Variants in TENT2 observed in about 807,000 individuals in gnomAD.
TENT2 encodes terminal nucleotidyltransferase 2.
TENT2 carries 44 observed loss-of-function variants against 72.2 expected under a neutral mutation model. That is an observed-to-expected ratio of 0.61 (90% CI 0.48 to 0.78). The LOEUF (loss-of-function observed/expected upper bound fraction) is 0.78. TENT2 is among the 30% of genes least tolerant of loss of function. The probability of loss-of-function intolerance (pLI) is 0.00; values close to 1 mark genes in which losing one functional copy is unlikely to be tolerated. For missense variants in TENT2, 541 were observed against 569.6 expected, an observed-to-expected ratio of 0.95 and a Z score of 0.51; for synonymous variants, 212 against 192.5, an observed-to-expected ratio of 1.10 and a Z score of -0.84.
At chr5:79,615,691 C>G (rs901397054) in intron 1 of TENT2, among the ~76,000 whole-genome samples, 1 of 150,730 alleles carries the variant, frequency 6.6e-6, no homozygotes, top group Non-Finnish European at 1.5e-5. Flanking sequence ...ATCTGGCAAT[C>G]CAAGATTTTT....
chr5:79,628,181 A>G (rs1276568159), intron 4 of TENT2, among the ~76,000 whole-genome samples: 3 of 152,236 alleles, frequency 2.0e-5, no homozygotes, highest in Non-Finnish European at 4.4e-5. Flanking sequence ...AGTATCTGTC[A>G]TTACTGGCAT....
At chr5:79,656,705 A>G (rs1798215394) in intron 10 of TENT2, among the ~76,000 whole-genome samples, 1 of 151,994 alleles carries the variant, frequency 6.6e-6, no homozygotes, top group Non-Finnish European at 1.5e-5. Flanking sequence ...ATAGCCTATT[A>G]TTCTAAAACC....
intron 12 of TENT2, among the ~76,000 whole-genome samples, chr5:79,670,577 C>A (rs1812256427): frequency 6.6e-6 from 1 of 151,892 alleles, no homozygotes; most frequent in Admixed American, 6.6e-5. Flanking sequence ...CCCGCCTCAG[C>A]CTCCCAAAGT....
chr5:79,677,358 C>T (rs1055232568), intron 12 of TENT2, among the ~76,000 whole-genome samples: 2 of 152,066 alleles, frequency 1.3e-5, no homozygotes, highest in African/African-American at 4.8e-5. Context: ...ACATATATCT[C>T]ATACTGTTTC....
chr5:79,616,597 C>CA (rs1760290528), intron 1 of TENT2, among the ~76,000 whole-genome samples: 1 of 152,200 alleles, frequency 6.6e-6, no homozygotes. Context: ...CAGGCATGAG[C>CA]AACTGCCCAG....
Position 79,685,463 on chromosome 5 carries a change from TG to T in TENT2, c.*191del. On this transcript the variant is annotated 3_prime_UTR_variant, in exon 15 of 15. Transcript: ENST00000453514. The stretch of plus-strand genomic sequence containing the variant: ...CTAATAAACCCCTTTGATTTAAAAA[TG>T]TATTTTTAAAAATGTTTACATTGAT... 1 of 424,988 alleles carries T rather than the reference TG, an allele frequency of 2.4e-6. No homozygotes were observed. Among genetic ancestry groups the T allele is most frequent in the African/African-American group, 2.1e-5 (1 of 48,088 alleles). The allele number at this position is 424,988 out of a possible 1,614,324, so 26.3% of individuals were successfully genotyped here. A position where few individuals can be genotyped will look rare whatever the true frequency, so the allele number is the denominator to read the frequency against.
In TENT2 at chr5:79,686,933, A is replaced by G. The variant is rs1270181030; in HGVS notation, c.*1660A>G. The stretch of plus-strand genomic sequence containing the variant: ...ATGTACTGAGTAGAGTTAATATTCT[A>G]GTGATGACTGGGTAATCATTATAAG... On this transcript the variant is annotated 3_prime_UTR_variant, in exon 15 of 15. Transcript: ENST00000453514. Among the ~76,000 whole-genome samples the G allele has an allele frequency of 1.3e-5, 2 of 152,184 alleles. No homozygotes were observed. Among genetic ancestry groups the G allele is most frequent in the Non-Finnish European group, 2.9e-5 (2 of 68,014 alleles).
intron 4 of TENT2, among the ~76,000 whole-genome samples, chr5:79,632,104 C>T (rs1227732729): frequency 6.6e-6 from 1 of 152,016 alleles, no homozygotes; most frequent in African/African-American, 2.4e-5. Flanking sequence ...TCAAACTGAC[C>T]AGAGAAACAG....
At chr5:79,629,781 C>T (rs912691650) in intron 4 of TENT2, among the ~76,000 whole-genome samples, 36 of 148,356 alleles carry the variant, frequency 2.4e-4, no homozygotes, top group Non-Finnish European at 4.0e-4. Flanking sequence ...GAGCCGAGAT[C>T]GTGCCACTGC....
chr5:79,630,950 A>G (rs1022303226), intron 4 of TENT2, among the ~76,000 whole-genome samples: 1 of 152,016 alleles, frequency 6.6e-6, no homozygotes, highest in African/African-American at 2.4e-5. Flanking sequence ...GTGAGAGGCA[A>G]TGGTACTTGA....
chr5:79,671,404 T>C (rs539872563), intron 12 of TENT2, among the ~76,000 whole-genome samples: 2 of 151,596 alleles, frequency 1.3e-5, no homozygotes, highest in African/African-American at 4.9e-5. Context: ...TTCTTTTTTC[T>C]TTTTCTTTTT....
intron 1 of TENT2, among the ~76,000 whole-genome samples, chr5:79,617,906 A>G (rs1242740472): frequency 6.6e-6 from 1 of 152,274 alleles, no homozygotes. Context: ...CTTCAATATA[A>G]TATACCTTGA....
intron 4 of TENT2, among the ~76,000 whole-genome samples, chr5:79,639,709 G>C (rs1206721575): frequency 2.0e-5 from 3 of 152,114 alleles, no homozygotes; most frequent in Non-Finnish European, 4.4e-5. Flanking sequence ...TATGAGGAGA[G>C]TGAGAAAGTG....
At chr5:79,619,885 C>T (rs1328357759) in intron 2 of TENT2, 100 bp downstream of exon 2, 12 of 1,480,340 alleles carry the variant, frequency 8.1e-6, no homozygotes, top group South Asian at 1.3e-5. Flanking sequence ...GAGAATATGT[C>T]GTCACATTTT....
chr5:79,616,061 A>T (rs1280963042), intron 1 of TENT2, among the ~76,000 whole-genome samples: 1 of 149,526 alleles, frequency 6.7e-6, no homozygotes, highest in African/African-American at 2.5e-5. Context: ...CTAATTTTGT[A>T]TTTTTAGTAG....
At chr5:79,648,164 T>C (rs1790662177) in intron 8 of TENT2, among the ~76,000 whole-genome samples, 1 of 152,150 alleles carries the variant, frequency 6.6e-6, no homozygotes, top group Non-Finnish European at 1.5e-5. Context: ...AATTTTCGGC[T>C]GGATATGGTG....
intron 12 of TENT2, among the ~76,000 whole-genome samples, chr5:79,672,562 A>C (rs1167845067): frequency 6.6e-6 from 1 of 152,134 alleles, no homozygotes; most frequent in Non-Finnish European, 1.5e-5. Flanking sequence ...AGAACATGTG[A>C]AGTTTGTCTT....
At chr5:79,645,968 C>T (rs1391331694) in intron 8 of TENT2, among the ~76,000 whole-genome samples, 1 of 152,070 alleles carries the variant, frequency 6.6e-6, no homozygotes, top group African/African-American at 2.4e-5. Flanking sequence ...GTGGTCATTT[C>T]GTGGACATAC....
rs752591557 is a variant in TENT2, at chr5:79,648,702, GTTGT to G, written c.898+16_898+19del. 477 of 1,560,816 alleles carry G rather than the reference GTTGT, an allele frequency of 3.1e-4. No homozygotes were observed. The highest frequency in any genetic ancestry group is 5.2e-4 in the Middle Eastern group (3 of 5,770). On this transcript the variant is annotated intron_variant, in intron 9 of 14. Coordinates refer to ENST00000453514, the MANE Select transcript of TENT2 (RefSeq NM_001114394.3). ...CAGAACTTATGCATACCGTAAGTTT[GTTGT>G]TTGTTTATTAAAAATTAGCCTTTTT...
Sources: allele counts gnomAD v4.1 joint callset (sites outside exome capture counted in the v4.1 genomes callset), GRCh38; gene constraint gnomAD v4.1.1; transcripts MANE v1.5; gene names NCBI Gene and HGNC (gene_info 2026-07-23, HGNC 2026-07-21).